ZNF438: variants seen among roughly 807,000 people sequenced by gnomAD.
The protein encoded by ZNF438 is zinc finger protein 438.
In ZNF438, 25 loss-of-function variants were observed where a neutral mutation model predicts 38.0. That is an observed-to-expected ratio of 0.66 (90% CI 0.48 to 0.92). The LOEUF (loss-of-function observed/expected upper bound fraction) is 0.92, where lower values mean the gene tolerates loss of function less well. Among genes scored for constraint, ZNF438 ranks in the 40% least tolerant of loss-of-function variants. The pLI is 0.00. For missense variants in ZNF438, 1,007 were observed against 999.6 expected, an observed-to-expected ratio of 1.01 and a Z score of -0.10; for synonymous variants, 372 against 364.1, an observed-to-expected ratio of 1.02 and a Z score of -0.25.
chr10:30,981,687 C>T (rs2052170885), intron 1 of ZNF438, among the ~76,000 whole-genome samples: 1 of 152,040 alleles, frequency 6.6e-6, no homozygotes, highest in Non-Finnish European at 1.5e-5. Flanking sequence ...ACCAGCCTGA[C>T]CAACATGGTG....
At chr10:30,998,929 AAAT>A (rs2054355985) in intron 1 of ZNF438, among the ~76,000 whole-genome samples, 1 of 152,232 alleles carries the variant, frequency 6.6e-6, no homozygotes. Context: ...CTGGTCAAGA[AAAT>A]AAAACAACAT....
intron 3 of ZNF438, among the ~76,000 whole-genome samples, chr10:30,902,311 T>C (rs2042103329): frequency 1.3e-5 from 2 of 152,260 alleles, no homozygotes; most frequent in Middle Eastern, 6.8e-3. Flanking sequence ...GACACAAAAA[T>C]TCTCCACGTC....
intron 5 of ZNF438, among the ~76,000 whole-genome samples, chr10:30,847,194 T>A (rs1200648751): frequency 6.6e-6 from 1 of 152,164 alleles, no homozygotes; most frequent in African/African-American, 2.4e-5. Flanking sequence ...GGGGGCCAGG[T>A]TGCCAGTCAT....
At chr10:30,933,617 G>C (rs1255309636) in intron 2 of ZNF438, among the ~76,000 whole-genome samples, 1 of 151,958 alleles carries the variant, frequency 6.6e-6, no homozygotes, top group Non-Finnish European at 1.5e-5. Flanking sequence ...GACCCTGTCT[G>C]TAAAATTAAT....
At chr10:30,875,833 C>A (rs1451518808) in intron 4 of ZNF438, among the ~76,000 whole-genome samples, 5 of 152,152 alleles carry the variant, frequency 3.3e-5, no homozygotes, top group African/African-American at 1.2e-4. Flanking sequence ...GCATCCCAGG[C>A]AAGAGGCGGC....
At chr10:30,929,808 T>C (rs4483498) in intron 2 of ZNF438, among the ~76,000 whole-genome samples, 3 of 151,704 alleles carry the variant, frequency 2.0e-5, no homozygotes, top group African/African-American at 7.3e-5. Flanking sequence ...GTTCTCCAAG[T>C]CCCCACCAGA....
At chr10:30,886,285 C>T (rs372150181) in intron 3 of ZNF438, among the ~76,000 whole-genome samples, 18 of 152,128 alleles carry the variant, frequency 1.2e-4, no homozygotes, top group African/African-American at 4.3e-4. Flanking sequence ...AAAATAGGAA[C>T]TGCCTGGATG....
At chr10:30,846,398 T>C (rs1427688026) in intron 5 of ZNF438, among the ~76,000 whole-genome samples, 1 of 152,062 alleles carries the variant, frequency 6.6e-6, no homozygotes, top group Non-Finnish European at 1.5e-5. Flanking sequence ...TGGGAAAACA[T>C]GGAGAGGAGG....
intron 4 of ZNF438, among the ~76,000 whole-genome samples, chr10:30,850,867 G>C (rs75109385): frequency 1.2e-4 from 19 of 152,236 alleles, no homozygotes; most frequent in Non-Finnish European, 2.1e-4. Flanking sequence ...TGTATCCTTT[G>C]TATAAAACAA....
chr10:31,006,680 T>TATGG (rs985038285), intron 1 of ZNF438, among the ~76,000 whole-genome samples: 1 of 149,360 alleles, frequency 6.7e-6, no homozygotes, highest in African/African-American at 2.5e-5. Context: ...GGCCTGAAGA[T>TATGG]ATGGGATCTG....
chr10:30,989,030 T>A (rs966241562), intron 1 of ZNF438, among the ~76,000 whole-genome samples: 1 of 152,200 alleles, frequency 6.6e-6, no homozygotes, highest in African/African-American at 2.4e-5. Context: ...AAAAGTTACC[T>A]GAAAAAGAGG....
chr10:30,912,873 G>A (rs1283869535), intron 2 of ZNF438, among the ~76,000 whole-genome samples: 1 of 152,056 alleles, frequency 6.6e-6, no homozygotes, highest in Non-Finnish European at 1.5e-5. Flanking sequence ...TTCCCAAAAT[G>A]TGATCTGCTG....
chr10:31,011,896 A>G (rs2055737970), intron 1 of ZNF438, among the ~76,000 whole-genome samples: 1 of 152,124 alleles, frequency 6.6e-6, no homozygotes, highest in Admixed American at 6.5e-5. Context: ...AGTGGCCCTA[A>G]TGTATCATGG....
upstream of ZNF438, chr10:31,031,992 G>T (rs2057327412): frequency 1.3e-5 from 2 of 151,994 alleles, no homozygotes; most frequent in Admixed American, 6.5e-5. Context: ...ACGCCCTCGA[G>T]CTCCACGCAC....
intron 2 of ZNF438, among the ~76,000 whole-genome samples, chr10:30,939,166 T>C (rs942585444): frequency 3.9e-5 from 6 of 152,218 alleles, no homozygotes; most frequent in African/African-American, 7.2e-5. Flanking sequence ...AAGCATAAAG[T>C]AGACACTCAT....
chr10:30,929,004 A>G (rs2045300656), intron 2 of ZNF438, among the ~76,000 whole-genome samples: 1 of 152,008 alleles, frequency 6.6e-6, no homozygotes, highest in Admixed American at 6.5e-5. Flanking sequence ...TTCAGATTTT[A>G]TGGTTTAAGG....
intron 1 of ZNF438, among the ~76,000 whole-genome samples, chr10:30,943,510 A>G (rs2047041859): frequency 6.6e-6 from 1 of 152,230 alleles, no homozygotes; most frequent in African/African-American, 2.4e-5. Flanking sequence ...TATTTAAGAT[A>G]TTGGAACAAT....
intron 1 of ZNF438, among the ~76,000 whole-genome samples, chr10:30,977,645 A>G (rs76014145): frequency 1.3e-5 from 2 of 152,280 alleles, no homozygotes; most frequent in African/African-American, 4.8e-5. Flanking sequence ...CTAGATAGGG[A>G]GCCATGTGCT....
At chr10:30,915,754 T>C (rs879943021) in intron 2 of ZNF438, among the ~76,000 whole-genome samples, 3 of 152,040 alleles carry the variant, frequency 2.0e-5, no homozygotes, top group Admixed American at 6.6e-5. Flanking sequence ...AGAAAATATA[T>C]TATGGGAGTC....
Sources: gnomAD v4.1 joint callset for allele counts (sites outside exome capture counted in the v4.1 genomes callset) on GRCh38, gnomAD v4.1.1 for gene constraint, MANE v1.5 for transcripts, NCBI Gene and HGNC (gene_info 2026-07-23, HGNC 2026-07-21) for gene names.